HNRNPUL1: variants seen among roughly 807,000 people sequenced by gnomAD.
HNRNPUL1 encodes the protein heterogeneous nuclear ribonucleoprotein U-like protein 1.
In HNRNPUL1, 14 loss-of-function variants were observed where a neutral mutation model predicts 108.5. That is an observed-to-expected ratio of 0.13 (90% CI 0.09 to 0.20). HNRNPUL1 has a LOEUF of 0.20. HNRNPUL1 is among the 10% of genes least tolerant of loss of function. The pLI is 1.00. For missense variants in HNRNPUL1, 804 were observed against 1,168.3 expected (o/e 0.69, Z 4.55); for synonymous variants, 422 against 445.2 (o/e 0.95, Z 0.66).
In HNRNPUL1 at chr19:41,278,967, A is replaced by G. The variant is rs542249923; in HGVS notation, c.787-110A>G. 2.0e-5 allele frequency: 16 copies of G among 792,414 alleles called. No individual in the cohort carries two copies. The African/African-American group carries it at 2.1e-4, about 10-fold the overall frequency. The allele number at this position is 792,414 out of a possible 1,614,324, so 49.1% of individuals were successfully genotyped here. ...CTGCTTAAACGCTTCTTCTCCAGCA[A>G]GAAAAGCCATTGCTATTTTTTAATG... On this transcript the variant is annotated intron_variant, in intron 5 of 14. Coordinates refer to ENST00000392006, the MANE Select transcript of HNRNPUL1 (RefSeq NM_007040.6).
chr19:41,276,471 C>T, intron 5 of HNRNPUL1, 173 bp downstream of exon 5: 1 of 623,570 alleles, frequency 1.6e-6, no homozygotes, highest in Non-Finnish European at 2.6e-6. Flanking sequence ...TGCTAAATAT[C>T]ATATCAGAAA....
chr19:41,275,349 T>C (rs1438701646), intron 4 of HNRNPUL1, among the ~76,000 whole-genome samples: 1 of 152,142 alleles, frequency 6.6e-6, no homozygotes, highest in Admixed American at 6.5e-5. Flanking sequence ...CACCCTGGCA[T>C]GGTGGCATAT....
intron 11 of HNRNPUL1, among the ~76,000 whole-genome samples, chr19:41,301,932 G>A (rs183070835): frequency 1.2e-4 from 18 of 152,340 alleles, no homozygotes; most frequent in African/African-American, 4.3e-4. Context: ...CAGCACAAGG[G>A]AAAGGATGTA....
rs551438352 is a variant in HNRNPUL1 at position 41,302,565 on chromosome 19, C to T, written c.1688-100C>T. 3.5e-6 allele frequency: 5 copies of T among 1,431,322 alleles called. No homozygotes were observed. The East Asian group carries it at 1.1e-4, about 33-fold the overall frequency. The allele number at this position is 1,431,322 out of a possible 1,614,324, so 88.7% of individuals were successfully genotyped here. A position where few individuals can be genotyped will look rare whatever the true frequency, so the allele number is the denominator to read the frequency against. On this transcript the variant is annotated intron_variant, in intron 11 of 14. Transcript: ENST00000392006. ...TCACTATTCCAGTTTTCTTCACCTT[C>T]TCCCTTCTGGAAGGCCACTCTTCTG...
intron 7 of HNRNPUL1, among the ~76,000 whole-genome samples, chr19:41,281,690 A>G (rs1420819443): frequency 6.6e-6 from 1 of 152,026 alleles, no homozygotes; most frequent in East Asian, 1.9e-4. Context: ...TCTTCATCTC[A>G]CATTGGTTGA....
In HNRNPUL1 at chr19:41,281,214, A is replaced by G. The variant is rs200985635; in HGVS notation, c.938A>G (p.Asn313Ser). 176 of 1,614,058 alleles carry G rather than the reference A, an allele frequency of 1.1e-4. 1 individual carries two copies. The highest frequency in any genetic ancestry group is 1.6e-4 in the Middle Eastern group (1 of 6,080). ...GGAGGCACTGGGAAGAAGTCCACCAATAGCCGGTTTGAAAACTACGGAGAC... is the reference window on the plus strand; with the variant it reads ...GGAGGCACTGGGAAGAAGTCCACCAGTAGCCGGTTTGAAAACTACGGAGAC... ...GYGGTGKKST[N>S]SRFENYGDKF... is the part of the protein sequence containing the mutation. Residue 313 changes from asparagine (N) to serine (S), a missense_variant, in exon 7 of 15, where the codon AAT (asparagine) becomes AGT (serine). This residue lies in a region of HNRNPUL1 where 174 missense variants were observed against 296.6 expected (regional missense o/e 0.59). Coordinates refer to ENST00000392006, the MANE Select transcript of HNRNPUL1 (RefSeq NM_007040.6).
At chr19:41,278,921 G>A (rs116908902) in intron 5 of HNRNPUL1, among the ~76,000 whole-genome samples, 156 bp from the exon 6 acceptor site, 2,699 of 152,182 alleles carry the variant, frequency 0.018, 54 homozygotes, top group Admixed American at 0.033. Flanking sequence ...GCTTCGATTC[G>A]GTTCAACAGG....
intron 3 of HNRNPUL1, 149 bp downstream of exon 3, chr19:41,272,384 T>A: frequency 1.2e-6 from 1 of 809,188 alleles, no homozygotes; most frequent in African/African-American, 1.7e-5. Flanking sequence ...CCGTACTTGC[T>A]ACCAGATTCA....
intron 1 of HNRNPUL1, chr19:41,265,352 G>A: frequency 6.6e-7 from 1 of 1,507,678 alleles, no homozygotes; most frequent in Non-Finnish European, 8.9e-7. Flanking sequence ...GGGTACGGGG[G>A]TGGGTGGGAG....
intron 1 of HNRNPUL1, among the ~76,000 whole-genome samples, chr19:41,267,328 G>C (rs1270962827): frequency 6.6e-6 from 1 of 152,184 alleles, no homozygotes; most frequent in South Asian, 2.1e-4. Flanking sequence ...ACAGGAGAGA[G>C]ATGCTGGGGA....
intron 7 of HNRNPUL1, among the ~76,000 whole-genome samples, chr19:41,290,211 G>A (rs1038196805): frequency 1.3e-5 from 2 of 152,252 alleles, no homozygotes; most frequent in African/African-American, 2.4e-5. Context: ...ATCAGAAAGC[G>A]AACCGTGTAT....
chr19:41,283,541 C>T (rs921106112), intron 7 of HNRNPUL1, among the ~76,000 whole-genome samples: 7 of 152,288 alleles, frequency 4.6e-5, no homozygotes, highest in African/African-American at 7.2e-5. Flanking sequence ...CTGCAACCTC[C>T]GCTTCCTGGG....
chr19:41,287,650 C>T (rs1041248492), intron 7 of HNRNPUL1, among the ~76,000 whole-genome samples: 1 of 152,148 alleles, frequency 6.6e-6, no homozygotes, highest in Non-Finnish European at 1.5e-5. Flanking sequence ...ACCTCCACCT[C>T]CCAGGTTCAA....
intron 7 of HNRNPUL1, among the ~76,000 whole-genome samples, chr19:41,286,272 G>A (rs528896354): frequency 2.0e-5 from 3 of 149,868 alleles, no homozygotes; most frequent in African/African-American, 7.4e-5. Flanking sequence ...TCAGTATATT[G>A]AATGAAAAAA....
chr19:41,279,051 T>G, intron 5 of HNRNPUL1, 26 bp from the exon 6 acceptor site: 8 of 1,573,050 alleles, frequency 5.1e-6, no homozygotes, highest in Non-Finnish European at 7.0e-6. Context: ...GAAGCAACCC[T>G]GAGCCCTTTT....
rs2034679685 is a variant in HNRNPUL1 at position 41,264,473 on chromosome 19, G to C, written c.-31G>C. The C allele has an allele frequency of 7.5e-7, 1 of 1,340,290 alleles. No individual in the cohort carries two copies. Among genetic ancestry groups the C allele is most frequent in the Non-Finnish European group, 9.6e-7 (1 of 1,045,332 alleles). The allele number at this position is 1,340,290 out of a possible 1,614,324, so 83.0% of individuals were successfully genotyped here. A position where few individuals can be genotyped will look rare whatever the true frequency, so the allele number is the denominator to read the frequency against. On this transcript the variant is annotated 5_prime_UTR_variant, in exon 1 of 15. Transcript: ENST00000392006. ...GGACAGAGCCCTGGGAGGCCGGGCC[G>C]GGCTCGGGGGCCACCCCGGGGGCCC...
At chr19:41,305,167 A>G (rs73045256) in intron 13 of HNRNPUL1, among the ~76,000 whole-genome samples, 6,051 of 152,224 alleles carry the variant, frequency 0.04, 180 homozygotes, top group Non-Finnish European at 0.052. Context: ...AAATGGGGCT[A>G]GTGGGACCTA....
At chr19:41,272,639 G>C (rs550733027) in intron 3 of HNRNPUL1, among the ~76,000 whole-genome samples, 14 of 152,158 alleles carry the variant, frequency 9.2e-5, no homozygotes, top group African/African-American at 3.1e-4. Flanking sequence ...GTGCTGTCAC[G>C]AAGTGCCCAC....
At chr19:41,283,106 A>T (rs981856653) in intron 7 of HNRNPUL1, among the ~76,000 whole-genome samples, 1 of 152,232 alleles carries the variant, frequency 6.6e-6, no homozygotes, top group South Asian at 2.1e-4. Flanking sequence ...CATGTCATGA[A>T]TGCATAAAAT....
Sources: gnomAD v4.1 joint callset for allele counts (sites outside exome capture counted in the v4.1 genomes callset) on GRCh38, gnomAD v4.1.1 for gene constraint, gnomAD v4.1.1 regional missense constraint, MANE v1.5 for transcripts, NCBI Gene and HGNC (gene_info 2026-07-23, HGNC 2026-07-21) for gene names.